FBXO9: variants seen among roughly 807,000 people sequenced by gnomAD.
The protein encoded by FBXO9 is F-box protein 9, also known as F-box only protein 9.
A neutral mutation model predicts 63.7 loss-of-function variants in FBXO9; 43 were observed. The observed-to-expected ratio is 0.67, with a 90% CI of 0.53 to 0.87. The LOEUF (loss-of-function observed/expected upper bound fraction) is 0.87, where lower values mean the gene tolerates loss of function less well. FBXO9 is among the 40% of genes least tolerant of loss of function. FBXO9 has a pLI of 0.00. For synonymous variants in FBXO9, 156 were observed against 171.7 expected, an observed-to-expected ratio of 0.91 and a Z score of 0.72; for missense variants, 442 against 533.2, an observed-to-expected ratio of 0.83 and a Z score of 1.68.
At chr6:53,078,187 C>G (rs901280617) in intron 4 of FBXO9, among the ~76,000 whole-genome samples, 2 of 152,218 alleles carry the variant, frequency 1.3e-5, no homozygotes, top group Non-Finnish European at 1.5e-5. Context: ...GGCATGGTAG[C>G]TGACACCTCT....
chr6:53,090,563 GTCA>G (rs542618424), intron 7 of FBXO9, among the ~76,000 whole-genome samples: 163 of 152,328 alleles, frequency 1.1e-3, no homozygotes, highest in Admixed American at 2.0e-3. Flanking sequence ...AACTTCATGT[GTCA>G]TCATAAAAGT....
chr6:53,070,789 T>A lies in FBXO9; in HGVS notation c.4-268T>A, dbSNP rs571926892. On this transcript the variant is annotated intron_variant, in intron 1 of 12. Transcript: ENST00000323557. ...TTGATTTTTGGATGGATGCAACTGA[T>A]GTTAAATTTGGCGGGGGGGAAATGT... 6 of 400,972 alleles carry A rather than the reference T, an allele frequency of 1.5e-5. No homozygotes were observed. The South Asian group carries it at 4.1e-4, about 27-fold the overall frequency. The allele number at this position is 400,972 out of a possible 1,614,324, so 24.8% of individuals were successfully genotyped here.
At chr6:53,073,403 T>C (rs1379618178) in intron 2 of FBXO9, 78 bp from the exon 3 acceptor site, 1 of 1,164,854 alleles carries the variant, frequency 8.6e-7, no homozygotes, top group Non-Finnish European at 1.2e-6. Context: ...AGTAGATAGA[T>C]GTTGGACATA....
chr6:53,073,634 G>C lies in FBXO9; in HGVS notation c.244G>C (p.Glu82Gln), dbSNP rs1768997723. 3 of 1,570,590 alleles carry C rather than the reference G, an allele frequency of 1.9e-6. No individual in the cohort carries two copies. The highest frequency in any genetic ancestry group is 2.6e-6 in the Non-Finnish European group (3 of 1,159,986). Residue 82 changes from glutamate (E) to glutamine (Q), a missense_variant, in exon 3 of 13, where the codon GAA becomes CAA. Around this residue, in one of 2 missense-constraint regions of FBXO9, gnomAD observed 180 missense variants for 171.1 expected, o/e 1.05. Coordinates refer to ENST00000323557, the MANE Select transcript of FBXO9 (RefSeq NM_033480.3). ...AGGAAAACAAGAACAGGCAAAAGAA[G>C]AAAAGTTAAGTATTATAGATATTGT... ...TKGKQEQAKE[E>Q]KARELFLKAV...
intron 7 of FBXO9, chr6:53,092,210 T>C (rs1763059284): frequency 4.4e-6 from 2 of 458,186 alleles, no homozygotes; most frequent in South Asian, 3.2e-5. Context: ...GTCTGTTGGT[T>C]GATTTTTGCA....
At chr6:53,071,284 T>A in intron 2 of FBXO9, 141 bp downstream of exon 2, 1 of 764,350 alleles carries the variant, frequency 1.3e-6, no homozygotes, top group Non-Finnish European at 2.0e-6. Flanking sequence ...ATAGAATACT[T>A]AAAACTATGT....
At position 53,073,652 on chromosome 6, in the gene FBXO9, G is replaced by T. The variant is rs766152973; in HGVS notation, c.249+13G>T. On this transcript the variant is annotated intron_variant, in intron 3 of 12. Coordinates refer to ENST00000323557, the MANE Select transcript of FBXO9 (RefSeq NM_033480.3). ...AAAAGAAGAAAAGTTAAGTATTATA[G>T]ATATTGTAACAAATTACATTTTTTT... 7 of 1,509,260 alleles carry T rather than the reference G, an allele frequency of 4.6e-6. No individual in the cohort carries two copies. The East Asian group carries it at 1.7e-4, about 37-fold the overall frequency. The allele number at this position is 1,509,260 out of a possible 1,614,324, so 93.5% of individuals were successfully genotyped here. A position where few individuals can be genotyped will look rare whatever the true frequency, so the allele number is the denominator to read the frequency against.
chr6:53,083,348 T>C (rs922026787), intron 7 of FBXO9, among the ~76,000 whole-genome samples: 2 of 152,214 alleles, frequency 1.3e-5, no homozygotes, highest in African/African-American at 4.8e-5. Flanking sequence ...CAAGTACCTA[T>C]TAAACACCTA....
intron 5 of FBXO9, among the ~76,000 whole-genome samples, chr6:53,079,479 T>C (rs1360426980): frequency 6.6e-6 from 1 of 152,170 alleles, no homozygotes; most frequent in African/African-American, 2.4e-5. Context: ...GAAATCATGT[T>C]TGAATTGTAT....
upstream of FBXO9, chr6:53,065,055 G>C (rs571246794): frequency 6.6e-6 from 1 of 152,284 alleles, no homozygotes; most frequent in Non-Finnish European, 1.5e-5. Flanking sequence ...TGACTGTTGA[G>C]AAATTTCACT....
At chr6:53,073,753 T>A in intron 3 of FBXO9, 114 bp downstream of exon 3, 2 of 876,484 alleles carry the variant, frequency 2.3e-6, no homozygotes, top group Non-Finnish European at 3.4e-6. Context: ...TAAACACATA[T>A]CTTGTAAAAT....
At chr6:53,085,801 A>G (rs1762860634) in intron 7 of FBXO9, among the ~76,000 whole-genome samples, 1 of 152,178 alleles carries the variant, frequency 6.6e-6, no homozygotes, top group Admixed American at 6.6e-5. Context: ...ATCATTTGAT[A>G]TATCTACAGG....
Position 53,095,635 on chromosome 6 carries a change from G to C in FBXO9, c.1176G>C (p.Trp392Cys). ...ACCAGAGGTTCAACAAACTCATCTGGATACATCATTCTTGTCACATTACTT... is the reference window on the plus strand; with the variant it reads ...ACCAGAGGTTCAACAAACTCATCTGCATACATCATTCTTGTCACATTACTT... Reference protein sequence around the residue: ...SGHQRFNKLIWIHHSCHITYK... With the variant: ...SGHQRFNKLICIHHSCHITYK... Residue 392 changes from tryptophan to cysteine, a missense_variant, in exon 12 of 13, where the codon TGG becomes TGC. Around this residue, in one of 2 missense-constraint regions of FBXO9, gnomAD observed 262 missense variants for 362.1 expected, o/e 0.72. Transcript: ENST00000323557. 2 of 1,612,092 alleles carry C rather than the reference G, an allele frequency of 1.2e-6. No individual in the cohort carries two copies. Among genetic ancestry groups the C allele is most frequent in the Non-Finnish European group, 1.7e-6 (2 of 1,179,182 alleles).
chr6:53,071,266 A>G, intron 2 of FBXO9, 123 bp downstream of exon 2: 4 of 892,820 alleles, frequency 4.5e-6, no homozygotes, highest in South Asian at 1.8e-5. Flanking sequence ...CTGTTTCCAT[A>G]CTGGTTTATA....
chr6:53,072,980 C>G (rs973622462), intron 2 of FBXO9, among the ~76,000 whole-genome samples: 1 of 152,142 alleles, frequency 6.6e-6, no homozygotes, highest in Non-Finnish European at 1.5e-5. Flanking sequence ...GCCTCGGCCT[C>G]CCAAAGTGCT....
chr6:53,087,732 T>C (rs1222754171), intron 7 of FBXO9, among the ~76,000 whole-genome samples: 1 of 152,232 alleles, frequency 6.6e-6, no homozygotes, highest in Non-Finnish European at 1.5e-5. Context: ...GTTCAACAGA[T>C]TTTAGAATTT....
At chr6:53,089,216 A>C (rs1195438008) in intron 7 of FBXO9, among the ~76,000 whole-genome samples, 2 of 151,906 alleles carry the variant, frequency 1.3e-5, no homozygotes, top group Non-Finnish European at 2.9e-5. Flanking sequence ...CTGGGACTAC[A>C]GGCGCCCGCC....
chr6:53,092,576 A>G (rs757173754), intron 8 of FBXO9, 29 bp downstream of exon 8: 17 of 1,562,442 alleles, frequency 1.1e-5, no homozygotes, highest in Non-Finnish European at 1.5e-5. Context: ...AACTCAGCAG[A>G]AATACTGATC....
intron 2 of FBXO9, among the ~76,000 whole-genome samples, 175 bp from the exon 3 acceptor site, chr6:53,073,297 TGAGCAGAAA>T (rs1343529722): frequency 6.6e-6 from 1 of 152,236 alleles, no homozygotes; most frequent in African/African-American, 2.4e-5. Context: ...CTTTAAGTTT[TGAGCAGAAA>T]ATTATTTTAA....
Sources: allele counts gnomAD v4.1 joint callset (sites outside exome capture counted in the v4.1 genomes callset), GRCh38; gene constraint gnomAD v4.1.1; regional missense constraint gnomAD v4.1.1; transcripts MANE v1.5; gene names NCBI Gene and HGNC (gene_info 2026-07-23, HGNC 2026-07-21).